Variants in ULK4 observed in about 807,000 individuals in gnomAD.
ULK4 encodes unc-51 like kinase 4.
A neutral mutation model predicts 160.6 loss-of-function variants in ULK4; 133 were observed. That is an observed-to-expected ratio of 0.83 (90% CI 0.72 to 0.96). ULK4 has a LOEUF of 0.96. ULK4 is among the 40% of genes least tolerant of loss of function. The probability of loss-of-function intolerance (pLI) is 0.00; values close to 1 mark genes in which losing one functional copy is unlikely to be tolerated. For missense variants in ULK4, 1,580 were observed against 1,499.5 expected (o/e 1.05, Z -0.89); for synonymous variants, 534 against 539.8 (o/e 0.99, Z 0.15).
chr3:41,619,832 T>C (rs2033155819), intron 30 of ULK4, among the ~76,000 whole-genome samples: 1 of 152,192 alleles, frequency 6.6e-6, no homozygotes, highest in South Asian at 2.1e-4. Context: ...ATCCAGGAGC[T>C]GGTTTTTAGA....
chr3:41,654,554 A>G (rs2034860835), intron 30 of ULK4, among the ~76,000 whole-genome samples: 1 of 152,236 alleles, frequency 6.6e-6, no homozygotes, highest in African/African-American at 2.4e-5. Flanking sequence ...ATGCTGGGTA[A>G]GTATATAGCA....
chr3:41,637,131 A>C (rs1185194072), intron 30 of ULK4, among the ~76,000 whole-genome samples: 1 of 152,198 alleles, frequency 6.6e-6, no homozygotes, highest in Non-Finnish European at 1.5e-5. Flanking sequence ...TATTAACTGT[A>C]GTCACCAGGT....
chr3:41,305,707 T>C (rs2079899121), intron 35 of ULK4, among the ~76,000 whole-genome samples: 1 of 148,652 alleles, frequency 6.7e-6, no homozygotes, highest in African/African-American at 2.5e-5. Flanking sequence ...GGAGCCCCTC[T>C]GCCTGGCTGC....
intron 34 of ULK4, among the ~76,000 whole-genome samples, chr3:41,424,211 G>A (rs949658799): frequency 2.0e-5 from 3 of 152,146 alleles, no homozygotes; most frequent in Non-Finnish European, 1.5e-5. Flanking sequence ...ACTGGGCAGT[G>A]CCTCCCTGCA....
Position 41,290,124 on chromosome 3 carries a change from C to T in ULK4, c.3679-40550G>A, listed in dbSNP as rs150188437. Reference sequence around the variant, plus strand: ...TCCTGACGTCAGGTGATCTGCCCGCCTTGGCCTCCCAAAGTGCTAGGATTA... The same window carrying T: ...TCCTGACGTCAGGTGATCTGCCCGCTTTGGCCTCCCAAAGTGCTAGGATTA... On this transcript the variant is annotated intron_variant, in intron 35 of 36. Coordinates refer to ENST00000301831, the MANE Select transcript of ULK4 (RefSeq NM_017886.4). 5.3e-3 allele frequency among the ~76,000 whole-genome samples: 810 copies of T among 152,256 alleles called. 13 individuals carry two copies. The highest frequency in any genetic ancestry group is 0.019 in the African/African-American group (769 of 41,544).
At chr3:41,691,503 T>C (rs1230153948) in intron 27 of ULK4, among the ~76,000 whole-genome samples, 4 of 151,910 alleles carry the variant, frequency 2.6e-5, no homozygotes, top group Admixed American at 6.6e-5. Flanking sequence ...AAATTCTTTC[T>C]TCTGAGGAGG....
intron 22 of ULK4, among the ~76,000 whole-genome samples, chr3:41,733,408 T>A (rs2037902632): frequency 1.3e-5 from 2 of 152,084 alleles, no homozygotes; most frequent in African/African-American, 4.8e-5. Flanking sequence ...CTCAAGGAAC[T>A]GATGTTCAAC....
chr3:41,900,446 A>G (rs1698311537), intron 13 of ULK4, among the ~76,000 whole-genome samples: 1 of 152,222 alleles, frequency 6.6e-6, no homozygotes, highest in Non-Finnish European at 1.5e-5. Context: ...CAACCCCTCC[A>G]TGGCATGTGG....
chr3:41,625,296 T>G (rs1312479448), intron 30 of ULK4, among the ~76,000 whole-genome samples: 1 of 152,230 alleles, frequency 6.6e-6, no homozygotes, highest in Non-Finnish European at 1.5e-5. Context: ...ATAAAATATC[T>G]GATATCCACG....
chr3:41,334,830 T>C lies in ULK4; in HGVS notation c.3678+63249A>G, dbSNP rs564431002. 4.6e-5 allele frequency among the ~76,000 whole-genome samples: 7 copies of C among 152,304 alleles called. No homozygotes were observed. In the South Asian group the frequency reaches 1.5e-3, roughly 32 times the overall value. The stretch of plus-strand genomic sequence containing the variant: ...AAGTAAGTTTCATGTTTAATTAACT[T>C]CTGTTTTAATTCATCCTTTGAAGAA... On this transcript the variant is annotated intron_variant, in intron 35 of 36. Coordinates refer to ENST00000301831, the MANE Select transcript of ULK4 (RefSeq NM_017886.4).
At chr3:41,961,626 C>T (rs1700677097) in intron 1 of ULK4, among the ~76,000 whole-genome samples, 1 of 151,348 alleles carries the variant, frequency 6.6e-6, no homozygotes, top group South Asian at 2.1e-4. Flanking sequence ...CTCGCTACGT[C>T]CGTAGGCATC....
intron 31 of ULK4, among the ~76,000 whole-genome samples, chr3:41,584,872 G>A (rs1274353922): frequency 3.9e-5 from 6 of 152,028 alleles, no homozygotes; most frequent in Non-Finnish European, 7.4e-5. Flanking sequence ...CAACCAATCT[G>A]AAGAAGAAGT....
At position 41,689,056 on chromosome 3, in the gene ULK4, T is replaced by C. The variant is rs138578538; in HGVS notation, c.2782-7252A>G. Among the ~76,000 whole-genome samples, 29 of 152,294 alleles carry C rather than the reference T, an allele frequency of 1.9e-4. No individual in the cohort carries two copies. The East Asian group carries it at 5.4e-3, about 28-fold the overall frequency. On this transcript the variant is annotated intron_variant, in intron 27 of 36. Transcript: ENST00000301831. ...AAGCCAAAAATGTTCCCCGAACCAA[T>C]CACATAGGATGTCCTGCTTCTAATG...
At chr3:41,845,937 C>T (rs1188825577) in intron 17 of ULK4, among the ~76,000 whole-genome samples, 2 of 152,204 alleles carry the variant, frequency 1.3e-5, no homozygotes, top group Non-Finnish European at 2.9e-5. Flanking sequence ...CAGGGATTTA[C>T]AGCATTTCTC....
chr3:41,541,003 T>C (rs1320820219), intron 32 of ULK4, among the ~76,000 whole-genome samples: 1 of 152,228 alleles, frequency 6.6e-6, no homozygotes, highest in Non-Finnish European at 1.5e-5. Flanking sequence ...TGATGGTCTC[T>C]TTTGGTGTGT....
chr3:41,445,710 C>T (rs890224135), intron 34 of ULK4, among the ~76,000 whole-genome samples: 4 of 151,926 alleles, frequency 2.6e-5, no homozygotes, highest in Non-Finnish European at 4.4e-5. Flanking sequence ...TTACACCTTA[C>T]ACAAAAATTA....
At chr3:41,660,366 A>G (rs1055017021) in intron 30 of ULK4, among the ~76,000 whole-genome samples, 18 of 152,332 alleles carry the variant, frequency 1.2e-4, no homozygotes, top group Non-Finnish European at 1.9e-4. Flanking sequence ...CATAATGAAT[A>G]AAAATACTTA....
chr3:41,912,072 A>G (rs75651509), intron 9 of ULK4, among the ~76,000 whole-genome samples: 19,068 of 152,036 alleles, frequency 0.13, 1,381 homozygotes, highest in Middle Eastern at 0.27. Flanking sequence ...TCACGCCTAT[A>G]ATCCTAACAC....
chr3:41,299,700 T>C (rs1423580079), intron 35 of ULK4, among the ~76,000 whole-genome samples: 3 of 152,236 alleles, frequency 2.0e-5, no homozygotes, highest in Non-Finnish European at 2.9e-5. Flanking sequence ...GAATAACTTA[T>C]AATCCCAGTG....
Sources: gnomAD v4.1 joint callset for allele counts (sites outside exome capture counted in the v4.1 genomes callset) on GRCh38, gnomAD v4.1.1 for gene constraint, MANE v1.5 for transcripts, NCBI Gene and HGNC (gene_info 2026-07-23, HGNC 2026-07-21) for gene names.